Variants in NLRP1 observed in about 807,000 individuals in gnomAD.
NLRP1 encodes the protein NLR family pyrin domain containing 1.
A neutral mutation model predicts 136.7 loss-of-function variants in NLRP1; 94 were observed. That is an observed-to-expected ratio of 0.69 (90% CI 0.58 to 0.82). NLRP1 has a LOEUF of 0.82. Ranked by LOEUF, NLRP1 falls within the 40% of genes least tolerant of loss-of-function variation. The probability of loss-of-function intolerance (pLI) is 0.00; values close to 1 mark genes in which losing one functional copy is unlikely to be tolerated. For missense variants in NLRP1, 1,575 were observed against 1,802.7 expected, an observed-to-expected ratio of 0.87 and a Z score of 2.29; for synonymous variants, 690 against 725.1, an observed-to-expected ratio of 0.95 and a Z score of 0.78.
intron 12 of NLRP1, among the ~76,000 whole-genome samples, chr17:5,526,776 T>C (rs1013946640): frequency 1.3e-5 from 2 of 152,226 alleles, no homozygotes; most frequent in Non-Finnish European, 2.9e-5. Context: ...CTCCGCGCTT[T>C]CATTTTGTGC....
At position 5,514,828 on chromosome 17, in the gene NLRP1, C is replaced by T; in HGVS notation, c.4348G>A (p.Glu1450Lys). The part of the protein sequence containing the change: ...CKDGLYQALK[E>K]THPHLIMELW... ...TCCATAATGAGGTGAGGATGGGTCTCCTTCAGGGCTTGGTAGAGTCCATCT... is the reference window on the plus strand; with the variant it reads ...TCCATAATGAGGTGAGGATGGGTCTTCTTCAGGGCTTGGTAGAGTCCATCT... Residue 1450 changes from glutamate to lysine, a missense_variant, in exon 17 of 17, where the codon GAG becomes AAG. Coordinates refer to ENST00000572272, the MANE Select transcript of NLRP1 (RefSeq NM_033004.4). 6.2e-7 allele frequency: 1 copy of T among 1,614,132 alleles called. No individual in the cohort carries two copies. Among genetic ancestry groups the T allele is most frequent in the Non-Finnish European group, 8.5e-7 (1 of 1,180,032 alleles).
At chr17:5,512,156 G>C, downstream of NLRP1, 6 of 966,138 alleles carry the variant, frequency 6.2e-6, no homozygotes, top group South Asian at 6.3e-5. Flanking sequence ...GTGGCCATTC[G>C]ATCTGAATTC....
intron 5 of NLRP1, among the ~76,000 whole-genome samples, chr17:5,545,499 G>GACAC (rs34766471): frequency 7.5e-6 from 1 of 133,278 alleles, no homozygotes. Context: ...CAGACACACA[G>GACAC]ACACACACAC....
intron 5 of NLRP1, among the ~76,000 whole-genome samples, chr17:5,542,525 G>A (rs766531165): frequency 6.2e-4 from 95 of 152,082 alleles, no homozygotes; most frequent in Non-Finnish European, 9.7e-4. Context: ...GAAGGAAGTC[G>A]CTTTGGTGAC....
chr17:5,560,731 G>C (rs150332153), intron 3 of NLRP1, among the ~76,000 whole-genome samples: 1 of 152,278 alleles, frequency 6.6e-6, no homozygotes, highest in African/African-American at 2.4e-5. Context: ...TGCTCACAAG[G>C]TAACCTGTTC....
At chr17:5,560,108 A>T in intron 3 of NLRP1, 65 bp from the exon 4 acceptor site, 6 of 1,380,020 alleles carry the variant, frequency 4.3e-6, no homozygotes, top group African/African-American at 1.5e-5. Flanking sequence ...AATTAATTAA[A>T]CAACTGTTTT....
chr17:5,545,329 GACACACAGAC>G (rs1200253047), intron 5 of NLRP1, among the ~76,000 whole-genome samples: 3 of 90,066 alleles, frequency 3.3e-5, no homozygotes, highest in Non-Finnish European at 4.9e-5. Flanking sequence ...CTTACACACA[GACACACAGAC>G]ACACACACAC....
In NLRP1 at chr17:5,559,521, G is replaced by C. The variant is rs200691997; in HGVS notation, c.1175C>G (p.Pro392Arg). Residue 392 changes from proline (P) to arginine (R), a missense_variant, in exon 4 of 17, where the codon CCG becomes CGG. By Grantham distance (103) the Pro-to-Arg change is moderately radical. Coordinates refer to ENST00000572272, the MANE Select transcript of NLRP1 (RefSeq NM_033004.4). Reference sequence around the variant, plus strand: ...AGACAGGATCTGTCTAATGGGAGCCGGAGTGGCTGTCCCATCTTTTCCGAT... The same window carrying C: ...AGACAGGATCTGTCTAATGGGAGCCCGAGTGGCTGTCCCATCTTTTCCGAT... ...ELIGKDGTATPAPIRQILSRP... is the reference protein window; with the variant it reads ...ELIGKDGTATRAPIRQILSRP... 4.1e-5 allele frequency: 66 copies of C among 1,614,000 alleles called. No homozygotes were observed. Among genetic ancestry groups the C allele is most frequent in the Non-Finnish European group, 5.6e-5 (66 of 1,179,976 alleles).
At chr17:5,557,080 T>C (rs1778350554) in intron 4 of NLRP1, among the ~76,000 whole-genome samples, 1 of 152,216 alleles carries the variant, frequency 6.6e-6, no homozygotes, top group Non-Finnish European at 1.5e-5. Flanking sequence ...CTCAGCTCAT[T>C]GCAAACTCCG....
Position 5,581,977 on chromosome 17 carries a change from T to G in NLRP1, c.534A>C (p.Thr178=), listed in dbSNP as rs1597491238. The change falls in exon 3 of 17, where the codon ACA becomes ACC. Residue 178 remains threonine (T), a synonymous_variant. Transcript: ENST00000572272. ...SPSQESPNAP[T]STAVLGSWGS... is the part of the protein sequence containing the mutation. ...CCCAGCTCCCCAGCACTGCTGTGGA[T>G]GTGGGGGCGTTGGGTGACTCCTGGC... 6.2e-7 allele frequency: 1 copy of G among 1,613,524 alleles called. No individual in the cohort carries two copies. The highest frequency in any genetic ancestry group is 8.5e-7 in the Non-Finnish European group (1 of 1,179,690).
At chr17:5,574,180 T>A (rs897481281) in intron 3 of NLRP1, among the ~76,000 whole-genome samples, 2 of 152,174 alleles carry the variant, frequency 1.3e-5, no homozygotes, top group Non-Finnish European at 2.9e-5. Flanking sequence ...CAGTAGCCAA[T>A]TCGATCAACT....
intron 5 of NLRP1, among the ~76,000 whole-genome samples, chr17:5,543,786 C>T (rs956559047): frequency 2.0e-5 from 3 of 152,232 alleles, no homozygotes; most frequent in Non-Finnish European, 2.9e-5. Context: ...ATGTTTGGAG[C>T]AGACCCTGTG....
chr17:5,538,375 C>A (rs1374042012), intron 7 of NLRP1, among the ~76,000 whole-genome samples: 1 of 152,028 alleles, frequency 6.6e-6, no homozygotes, highest in Non-Finnish European at 1.5e-5. Context: ...GCTCAAGTGC[C>A]TCTTTGTTCT....
intron 15 of NLRP1, chr17:5,505,850 C>A (rs371371353): frequency 6.6e-6 from 1 of 152,398 alleles, no homozygotes; most frequent in South Asian, 2.1e-4. Context: ...GAGCTCACCA[C>A]TCTGGACATT....
intron 3 of NLRP1, among the ~76,000 whole-genome samples, chr17:5,567,050 T>A (rs559872931): frequency 2.6e-5 from 4 of 152,244 alleles, no homozygotes; most frequent in Admixed American, 6.5e-5. Context: ...TCTGTTTATG[T>A]GTGTCTTTAT....
chr17:5,553,127 G>A (rs909607362), intron 5 of NLRP1, among the ~76,000 whole-genome samples: 15 of 151,966 alleles, frequency 9.9e-5, no homozygotes, highest in African/African-American at 3.6e-4. Context: ...CTCTTTTCCT[G>A]GAACTTTTTC....
chr17:5,524,398 T>C (rs1340495958), intron 12 of NLRP1, among the ~76,000 whole-genome samples: 1 of 152,242 alleles, frequency 6.6e-6, no homozygotes, highest in African/African-American at 2.4e-5. Flanking sequence ...GTTTCTCATT[T>C]CAGTGTTGAG....
At position 5,582,845 on chromosome 17, in the gene NLRP1, G is replaced by A; in HGVS notation, c.273C>T (p.Gly91=). Residue 91 remains glycine, a splice_region_variant and synonymous_variant, in exon 2 of 17, where the codon GGC becomes GGT. Transcript: ENST00000572272. The part of the protein sequence containing the change: ...SLCAQAQEGA[G]HSPSFPYSPS... ...GGCTGTAGGGGAATGAGGGAGAGTG[G>A]CCTACAGGAAAGAGACAAAGAGGTT... 1 of 1,603,840 alleles carries A rather than the reference G, an allele frequency of 6.2e-7. No individual in the cohort carries two copies. Among genetic ancestry groups the A allele is most frequent in the Non-Finnish European group, 8.5e-7 (1 of 1,174,556 alleles).
intron 6 of NLRP1, 81 bp from the exon 7 acceptor site, chr17:5,539,666 T>C (rs2151771176): frequency 7.0e-7 from 1 of 1,429,178 alleles, no homozygotes; most frequent in Non-Finnish European, 9.2e-7. Flanking sequence ...ATCTTCCTTC[T>C]CAGCATCTGT....
Sources: allele counts gnomAD v4.1 joint callset (sites outside exome capture counted in the v4.1 genomes callset), GRCh38; gene constraint gnomAD v4.1.1; transcripts MANE v1.5; gene names NCBI Gene and HGNC (gene_info 2026-07-23, HGNC 2026-07-21).